XPA: variants seen among roughly 807,000 people sequenced by gnomAD.
The protein encoded by XPA is DNA repair protein complementing XP-A cells.
Under a neutral mutation model 35.7 loss-of-function variants are expected in XPA, and 27 were observed. The ratio of observed to expected loss-of-function variants is 0.76; its 90% CI spans 0.56 to 1.04. The LOEUF (loss-of-function observed/expected upper bound fraction) is 1.04, where lower values mean the gene tolerates loss of function less well. Ranked by LOEUF, XPA falls within the 50% of genes least tolerant of loss-of-function variation. The pLI, the probability that XPA is intolerant of heterozygous loss-of-function variation, is 0.00. For missense variants in XPA, 354 were observed against 342.7 expected (o/e 1.03, Z -0.26); for synonymous variants, 133 against 118.4 (o/e 1.12, Z -0.80).
At chr9:97,671,213 C>T (rs746827486), downstream of XPA, 6 of 1,542,000 alleles carry the variant, frequency 3.9e-6, no homozygotes, top group Middle Eastern at 1.7e-4. Flanking sequence ...TCATTTTTTC[C>T]TCATGTCAAG....
chr9:97,675,726 T>C, intron 5 of XPA, 139 bp from the exon 6 acceptor site: 1 of 1,085,312 alleles, frequency 9.2e-7, no homozygotes, highest in East Asian at 2.6e-5. Flanking sequence ...ACCTTAATTT[T>C]ATAACAAAGT....
intron 5 of XPA, among the ~76,000 whole-genome samples, chr9:97,678,325 C>T (rs752091101): frequency 5.3e-5 from 8 of 151,976 alleles, no homozygotes; most frequent in Non-Finnish European, 1.0e-4. Flanking sequence ...CGCATGAACC[C>T]GGGAGGTGAA....
the XPA span, chr9:97,663,018 A>G: frequency 3.7e-6 from 6 of 1,613,090 alleles, no homozygotes; most frequent in Non-Finnish European, 5.1e-6. Flanking sequence ...GCTAAGAGTT[A>G]TGTTTGAGGT....
chr9:97,660,116 A>G, the XPA span, among the ~76,000 whole-genome samples: 1 of 152,216 alleles, frequency 6.6e-6, no homozygotes, highest in African/African-American at 2.4e-5. Context: ...GCTAGAATGT[A>G]GACTGGTGAC....
At position 97,685,065 on chromosome 9, in the gene XPA, A is replaced by G. The variant is rs908751894; in HGVS notation, c.556-25T>C. The G allele has an allele frequency of 1.1e-5, 17 of 1,595,908 alleles. 1 individual carries two copies. Among genetic ancestry groups the G allele is most frequent in the Non-Finnish European group, 1.5e-5 (17 of 1,164,366 alleles). On this transcript the variant is annotated intron_variant, in intron 4 of 5. Transcript: ENST00000375128. The stretch of plus-strand genomic sequence containing the variant: ...TCTACAACACAAAATCCATATTTAA[A>G]TAAGTTGTGATTCAGACTTGCGAAA...
intron 5 of XPA, chr9:97,682,485 T>C (rs1404003982): frequency 3.9e-6 from 2 of 518,160 alleles, no homozygotes; most frequent in Non-Finnish European, 7.7e-6. Flanking sequence ...CTGACCTCTC[T>C]GCACATTAAA....
In XPA at chr9:97,697,123, C is replaced by A. The variant is rs950281583; in HGVS notation, c.170G>T (p.Gly57Val). 6.5e-7 allele frequency: 1 copy of A among 1,547,668 alleles called. No homozygotes were observed. Among genetic ancestry groups the A allele is most frequent in the African/African-American group, 1.4e-5 (1 of 72,462 alleles). Reference protein sequence around the residue: ...PYSATAAAATGGMANVKAAPK... With the variant: ...PYSATAAAATVGMANVKAAPK... The stretch of plus-strand genomic sequence containing the variant: ...GAAAGCGCGGACGCGGCCCAAACCT[C>A]CAGTAGCCGCAGCCGCCGTCGCCGA... Residue 57 changes from glycine (G) to valine (V), a missense_variant and splice_region_variant, in exon 1 of 6, where the codon GGA (glycine) becomes GTA (valine). Transcript: ENST00000375128.
intron 1 of XPA, among the ~76,000 whole-genome samples, chr9:97,696,197 A>G (rs1199086677): frequency 1.3e-5 from 2 of 152,208 alleles, no homozygotes; most frequent in African/African-American, 4.8e-5. Context: ...TCTGGCTGAT[A>G]AAAAAGAGTA....
Position 97,675,606 on chromosome 9 carries a change from A to C in XPA, c.674-19T>G. On this transcript the variant is annotated intron_variant, in intron 5 of 5. Coordinates refer to ENST00000375128, the MANE Select transcript of XPA (RefSeq NM_000380.4). Reference sequence around the variant, plus strand: ...CGCAATTCTGAAAAAAAAATTTTAAAGTCATCTTTTCAGTGGTGCTATTCA... The same window carrying C: ...CGCAATTCTGAAAAAAAAATTTTAACGTCATCTTTTCAGTGGTGCTATTCA... The C allele has an allele frequency of 6.2e-7, 1 of 1,613,900 alleles. No individual in the cohort carries two copies.
chr9:97,675,596 A>G lies in XPA; in HGVS notation c.674-9T>C. The G allele has an allele frequency of 6.2e-7, 1 of 1,613,978 alleles. No individual in the cohort carries two copies. Among genetic ancestry groups the G allele is most frequent in the Non-Finnish European group, 8.5e-7 (1 of 1,179,902 alleles). The stretch of plus-strand genomic sequence containing the variant: ...TACTGCTCGCCGCAATTCTGAAAAA[A>G]AAATTTTAAAGTCATCTTTTCAGTG... On this transcript the variant is annotated splice_polypyrimidine_tract_variant and intron_variant, in intron 5 of 5. Coordinates refer to ENST00000375128, the MANE Select transcript of XPA (RefSeq NM_000380.4).
chr9:97,659,659 C>G, the XPA span, among the ~76,000 whole-genome samples: 1 of 152,136 alleles, frequency 6.6e-6, no homozygotes, highest in African/African-American at 2.4e-5. Flanking sequence ...AGCCACTGTG[C>G]TTTTTGGCAG....
chr9:97,679,268 A>T (rs748156080), intron 5 of XPA, among the ~76,000 whole-genome samples: 1 of 152,242 alleles, frequency 6.6e-6, no homozygotes, highest in Non-Finnish European at 1.5e-5. Context: ...AATACTGTGT[A>T]TGTATAGAAA....
chr9:97,682,095 C>T (rs1361063313), intron 5 of XPA: 1 of 366,482 alleles, frequency 2.7e-6, no homozygotes, highest in South Asian at 2.1e-5. Context: ...TCTATACACA[C>T]CTTATACTAT....
downstream of XPA, chr9:97,671,439 C>A: frequency 2.5e-6 from 1 of 400,362 alleles, no homozygotes; most frequent in Non-Finnish European, 4.5e-6. Context: ...GATACAAATT[C>A]TCTGTGATCA....
the XPA span, chr9:97,661,958 C>T: frequency 1.1e-6 from 1 of 895,280 alleles, no homozygotes. Flanking sequence ...TAGATGTGAG[C>T]AACCATCTAT....
the XPA span, among the ~76,000 whole-genome samples, chr9:97,669,171 A>C: frequency 0.01 from 1,530 of 151,982 alleles, 26 homozygotes; most frequent in African/African-American, 0.035. Flanking sequence ...TCTGCTGTTT[A>C]CTTAGTATTC....
At chr9:97,683,092 T>A (rs1288678648) in intron 5 of XPA, among the ~76,000 whole-genome samples, 1 of 152,228 alleles carries the variant, frequency 6.6e-6, no homozygotes, top group Non-Finnish European at 1.5e-5. Context: ...CTTATTATTT[T>A]ATCCATGTAT....
downstream of XPA, chr9:97,671,216 A>C: frequency 6.6e-7 from 1 of 1,520,504 alleles, no homozygotes; most frequent in Non-Finnish European, 9.0e-7. Context: ...TTTTTTCCTC[A>C]TGTCAAGGTT....
the XPA span, chr9:97,664,315 T>A: frequency 2.1e-6 from 3 of 1,431,720 alleles, no homozygotes; most frequent in South Asian, 3.5e-5. Context: ...GTGTGTGATT[T>A]ACTTGAATAA....
Sources: gnomAD v4.1 joint callset for allele counts (sites outside exome capture counted in the v4.1 genomes callset) on GRCh38, gnomAD v4.1.1 for gene constraint, MANE v1.5 for transcripts, NCBI Gene and HGNC (gene_info 2026-07-23, HGNC 2026-07-21) for gene names.